The following GRIK2 variants were observed in gnomAD, a reference collection of about 807,000 sequenced individuals.
GRIK2 encodes glutamate receptor ionotropic, kainate 2.
GRIK2 carries 32 observed loss-of-function variants against 100.3 expected under a neutral mutation model. That is an observed-to-expected ratio of 0.32 (90% CI 0.24 to 0.43). GRIK2 has a LOEUF of 0.43. Ranked by LOEUF, GRIK2 falls within the 20% of genes least tolerant of loss-of-function variation. GRIK2 has a pLI of 1.00. For missense variants in GRIK2, 843 were observed against 1,114.9 expected (o/e 0.76, Z 3.47); for synonymous variants, 417 against 389.4 (o/e 1.07, Z -0.83).
chr6:101,697,890 A>G (rs1452657130), intron 7 of GRIK2, among the ~76,000 whole-genome samples: 4 of 152,110 alleles, frequency 2.6e-5, no homozygotes, highest in Non-Finnish European at 4.4e-5. Context: ...GTGTCTGGCC[A>G]GTAGTTGATC....
chr6:101,970,258 A>G lies in GRIK2; in HGVS notation c.2085+41626A>G, dbSNP rs76768303. 8.2e-3 allele frequency among the ~76,000 whole-genome samples: 1,237 copies of G among 151,670 alleles called. 17 individuals carry two copies. The highest frequency in any genetic ancestry group is 0.029 in the African/African-American group (1,186 of 41,366). ...GGGCAAAAATGTGGCCATCTCAAGC[A>G]GCTTCAACATTTTAATTTAGGGCAA... On this transcript the variant is annotated intron_variant, in intron 14 of 16. Coordinates refer to ENST00000369134, the MANE Select transcript of GRIK2 (RefSeq NM_021956.5).
intron 2 of GRIK2, among the ~76,000 whole-genome samples, chr6:101,551,160 A>C (rs928009361): frequency 5.3e-5 from 8 of 152,202 alleles, no homozygotes; most frequent in African/African-American, 1.9e-4. Flanking sequence ...AACCAGTCAG[A>C]ATGAAATTTG....
chr6:101,918,298 T>C (rs2246205), intron 12 of GRIK2, among the ~76,000 whole-genome samples: 142,072 of 151,622 alleles, frequency 0.94, 66,603 homozygotes, highest in Middle Eastern at 0.97. Flanking sequence ...TGTTCAAATG[T>C]GTAAAATATA....
chr6:101,898,864 A>G (rs977362331), intron 12 of GRIK2, among the ~76,000 whole-genome samples: 1 of 151,940 alleles, frequency 6.6e-6, no homozygotes, highest in African/African-American at 2.4e-5. Context: ...TTTAGTGATA[A>G]ATCACATCTT....
chr6:101,700,577 AC>A (rs1235137480), intron 7 of GRIK2, among the ~76,000 whole-genome samples: 1 of 152,140 alleles, frequency 6.6e-6, no homozygotes, highest in Non-Finnish European at 1.5e-5. Flanking sequence ...TCTAAGTCTC[AC>A]AAAAATGCTG....
rs1431217967 is a variant in GRIK2 at position 101,399,210 on chromosome 6, T to C, written c.-68T>C. The C allele has an allele frequency of 2.5e-6, 2 of 808,988 alleles. No homozygotes were observed. Among genetic ancestry groups the C allele is most frequent in the Non-Finnish European group, 4.5e-6 (2 of 447,606 alleles). The allele number at this position is 808,988 out of a possible 1,614,324, so 50.1% of individuals were successfully genotyped here. A position where few individuals can be genotyped will look rare whatever the true frequency, so the allele number is the denominator to read the frequency against. On this transcript the variant is annotated 5_prime_UTR_variant, in exon 2 of 17. Transcript: ENST00000369134. Reference sequence around the variant, plus strand: ...TCACCACTCGACGCATCCTCATTTCTACCCGAACCCAGGAGCCGAACGCTA... The same window carrying C: ...TCACCACTCGACGCATCCTCATTTCCACCCGAACCCAGGAGCCGAACGCTA...
chr6:101,554,226 A>C (rs975019561), intron 2 of GRIK2, among the ~76,000 whole-genome samples: 1 of 152,168 alleles, frequency 6.6e-6, no homozygotes, highest in South Asian at 2.1e-4. Context: ...TGTGAGACCA[A>C]CCAGGCCCTG....
At chr6:101,880,622 A>C (rs1786181142) in intron 11 of GRIK2, among the ~76,000 whole-genome samples, 1 of 152,052 alleles carries the variant, frequency 6.6e-6, no homozygotes, top group East Asian at 1.9e-4. Flanking sequence ...TTAACTAGTG[A>C]AGGGATGATA....
chr6:101,871,926 C>A (rs1424949622), intron 11 of GRIK2, among the ~76,000 whole-genome samples: 3 of 151,890 alleles, frequency 2.0e-5, no homozygotes, highest in Non-Finnish European at 2.9e-5. Flanking sequence ...GATAGTTCAA[C>A]TCAGTTCTTT....
chr6:101,592,136 C>T (rs1778676361), intron 2 of GRIK2, among the ~76,000 whole-genome samples: 2 of 152,006 alleles, frequency 1.3e-5, no homozygotes, highest in African/African-American at 4.8e-5. Flanking sequence ...CAGATGCCAG[C>T]ATCATGCTTC....
intron 10 of GRIK2, among the ~76,000 whole-genome samples, chr6:101,825,622 A>G (rs1361928093): frequency 1.3e-5 from 2 of 149,084 alleles, no homozygotes; most frequent in African/African-American, 5.0e-5. Context: ...TTTTGCCTTT[A>G]TGTTATTTTT....
At chr6:101,568,161 ATCTTT>A (rs748843556) in intron 2 of GRIK2, among the ~76,000 whole-genome samples, 21 of 151,878 alleles carry the variant, frequency 1.4e-4, no homozygotes, top group Admixed American at 9.9e-4. Flanking sequence ...ATAAGTGTTA[ATCTTT>A]TCTTTTCAAA....
chr6:101,919,097 A>T (rs2791795), intron 12 of GRIK2, among the ~76,000 whole-genome samples: 142,188 of 151,724 alleles, frequency 0.94, 66,662 homozygotes, highest in Middle Eastern at 0.97. Flanking sequence ...AAAAATATTG[A>T]GTCATATTAT....
chr6:102,040,099 G>T (rs1397683692), intron 15 of GRIK2, among the ~76,000 whole-genome samples: 1 of 151,286 alleles, frequency 6.6e-6, no homozygotes, highest in African/African-American at 2.4e-5. Flanking sequence ...CTATTTCTGT[G>T]AACAAAACCC....
At chr6:101,424,798 T>C (rs1776617717) in intron 2 of GRIK2, among the ~76,000 whole-genome samples, 2 of 151,160 alleles carry the variant, frequency 1.3e-5, no homozygotes, top group Non-Finnish European at 2.9e-5. Flanking sequence ...TTCCCACCTA[T>C]GAGTGAGAAC....
intron 4 of GRIK2, among the ~76,000 whole-genome samples, chr6:101,627,089 ATGTGTGTG>A (rs377491038): frequency 6.8e-6 from 1 of 147,622 alleles, no homozygotes; most frequent in Admixed American, 6.9e-5. Context: ...ATATTGAATA[ATGTGTGTG>A]TGTGTGCGTG....
chr6:101,813,577 T>C (rs552616194), intron 9 of GRIK2, among the ~76,000 whole-genome samples: 1 of 152,178 alleles, frequency 6.6e-6, no homozygotes, highest in Non-Finnish European at 1.5e-5. Flanking sequence ...CTTTACAAAT[T>C]ATATCAAAAT....
chr6:101,495,598 T>A (rs539247420), intron 2 of GRIK2, among the ~76,000 whole-genome samples: 45 of 152,328 alleles, frequency 3.0e-4, no homozygotes, highest in Non-Finnish European at 4.1e-4. Context: ...TTCCCCAAGA[T>A]GGTTCTTAAT....
chr6:101,804,940 AG>A, intron 9 of GRIK2, among the ~76,000 whole-genome samples: 1 of 152,118 alleles, frequency 6.6e-6, no homozygotes, highest in Middle Eastern at 3.4e-3. Context: ...TTTTAAATTT[AG>A]TAGAATAGTT....
Sources: gnomAD v4.1 joint callset for allele counts (sites outside exome capture counted in the v4.1 genomes callset) on GRCh38, gnomAD v4.1.1 for gene constraint, MANE v1.5 for transcripts, NCBI Gene and HGNC (gene_info 2026-07-23, HGNC 2026-07-21) for gene names.